The following FAM169A variants were observed in gnomAD, a reference collection of about 807,000 sequenced individuals.
The protein encoded by FAM169A is family with sequence similarity 169 member A.
A neutral mutation model predicts 75.7 loss-of-function variants in FAM169A; 24 were observed. That is an observed-to-expected ratio of 0.32 (90% CI 0.23 to 0.45). The LOEUF (loss-of-function observed/expected upper bound fraction) is 0.45, where lower values mean the gene tolerates loss of function less well. Ranked by LOEUF, FAM169A falls within the 20% of genes least tolerant of loss-of-function variation. The pLI is 1.00. For synonymous variants in FAM169A, 271 were observed against 271.0 expected, an observed-to-expected ratio of 1.00 and a Z score of 0.00; for missense variants, 673 against 784.0, an observed-to-expected ratio of 0.86 and a Z score of 1.69.
chr5:74,835,869 T>C (rs1426243667), intron 4 of FAM169A, among the ~76,000 whole-genome samples: 1 of 152,184 alleles, frequency 6.6e-6, no homozygotes, highest in African/African-American at 2.4e-5. Flanking sequence ...AGAGCTGAAA[T>C]CTATTTCTCA....
At chr5:74,839,336 G>C (rs559691327) in intron 3 of FAM169A, among the ~76,000 whole-genome samples, 1 of 151,954 alleles carries the variant, frequency 6.6e-6, no homozygotes, top group East Asian at 1.9e-4. Context: ...CATGGGTCAG[G>C]GTGGGGGGGT....
In FAM169A at chr5:74,840,186, A is replaced by AT. The variant is rs746712113; in HGVS notation, c.133-14dup. 1.6e-6 allele frequency: 2 copies of AT among 1,267,992 alleles called. No individual in the cohort carries two copies. The highest frequency in any genetic ancestry group is 2.2e-6 in the Non-Finnish European group (2 of 896,622). The allele number at this position is 1,267,992 out of a possible 1,614,324, so 78.5% of individuals were successfully genotyped here. The stretch of plus-strand genomic sequence containing the variant: ...GGCTAATAGGAATCTGAAATGACAA[A>AT]TTAATAAAGATTAGTGAACAGTCTG... On this transcript the variant is annotated splice_polypyrimidine_tract_variant and intron_variant, in intron 2 of 12. Coordinates refer to ENST00000687041, the MANE Select transcript of FAM169A (RefSeq NM_001376049.1).
intron 4 of FAM169A, 30 bp from the exon 5 acceptor site, chr5:74,834,627 C>A: frequency 1.3e-6 from 2 of 1,482,804 alleles, no homozygotes; most frequent in Non-Finnish European, 1.8e-6. Flanking sequence ...CCAGGCACAG[C>A]AGTTATAATA....
intron 6 of FAM169A, among the ~76,000 whole-genome samples, chr5:74,806,769 A>G (rs1375209456): frequency 2.0e-5 from 3 of 152,198 alleles, no homozygotes. Context: ...AAAACAAACA[A>G]TTAGTACTCA....
intron 1 of FAM169A, among the ~76,000 whole-genome samples, chr5:74,855,428 G>A (rs1442147936): frequency 6.6e-6 from 1 of 152,094 alleles, no homozygotes; most frequent in Admixed American, 6.5e-5. Flanking sequence ...GAATTCCTGA[G>A]CTCGAGCAAT....
intron 6 of FAM169A, among the ~76,000 whole-genome samples, chr5:74,806,362 T>A (rs575342331): frequency 6.6e-6 from 1 of 152,196 alleles, no homozygotes; most frequent in East Asian, 1.9e-4. Flanking sequence ...AAAAAAGCAA[T>A]AAAGTCAGAT....
intron 10 of FAM169A, among the ~76,000 whole-genome samples, chr5:74,797,845 T>G (rs1157956032): frequency 6.6e-6 from 1 of 152,134 alleles, no homozygotes; most frequent in African/African-American, 2.4e-5. Flanking sequence ...CACTCAACTC[T>G]GCCGTTCCAA....
At chr5:74,865,810 G>T (rs1320607167) in intron 1 of FAM169A, 3 of 152,502 alleles carry the variant, frequency 2.0e-5, no homozygotes, top group African/African-American at 7.2e-5. Flanking sequence ...TCCAGGTGGG[G>T]AGAGGGCGAG....
intron 5 of FAM169A, among the ~76,000 whole-genome samples, chr5:74,828,902 A>T (rs1748171047): frequency 6.6e-6 from 1 of 152,102 alleles, no homozygotes; most frequent in Non-Finnish European, 1.5e-5. Context: ...TTAGCACTAT[A>T]GCCACACCCT....
rs187079383 is a variant in FAM169A at position 74,857,368 on chromosome 5, C to T, written c.-4+8797G>A. Among the ~76,000 whole-genome samples, 5 of 151,534 alleles carry T rather than the reference C, an allele frequency of 3.3e-5. No homozygotes were observed. In the East Asian group the frequency reaches 7.8e-4, roughly 24 times the overall value. On this transcript the variant is annotated intron_variant, in intron 1 of 12. Transcript: ENST00000687041. ...AAGTTCAAGACCAGCCTGGGCAACA[C>T]GGCAAAACCCCGTCTCTACAAAAAA...
intron 1 of FAM169A, among the ~76,000 whole-genome samples, chr5:74,849,598 T>C (rs1483736644): frequency 2.0e-5 from 3 of 152,080 alleles, no homozygotes; most frequent in Admixed American, 6.6e-5. Context: ...GGCAACATAA[T>C]CAGCAATGCT....
intron 10 of FAM169A, among the ~76,000 whole-genome samples, chr5:74,796,897 A>G (rs941307763): frequency 6.6e-6 from 1 of 152,148 alleles, no homozygotes; most frequent in Non-Finnish European, 1.5e-5. Context: ...AACACATTAT[A>G]TGGTTTAGTT....
intron 1 of FAM169A, among the ~76,000 whole-genome samples, chr5:74,857,572 G>GAAAAAAAAAAAAAAAAAAAAAAAAAA (rs35476827): frequency 1.8e-5 from 1 of 56,290 alleles, no homozygotes; most frequent in Non-Finnish European, 3.8e-5. Context: ...CTTGCCGCGG[G>GAAAAAAAAAAAAAAAAAAAAAAAAAA]AAAAAAAAAA....
upstream of FAM169A, chr5:74,866,478 G>A (rs1750355567): frequency 9.2e-6 from 7 of 763,826 alleles, no homozygotes; most frequent in Non-Finnish European, 9.5e-6. Context: ...GCCCCTCCTC[G>A]GAGCCTGGGA....
At chr5:74,795,238 C>T (rs1467750563) in intron 11 of FAM169A, among the ~76,000 whole-genome samples, 1 of 151,886 alleles carries the variant, frequency 6.6e-6, no homozygotes, top group East Asian at 1.9e-4. Flanking sequence ...AGCCTGGGTG[C>T]AAAGAGCAAA....
At position 74,779,536 on chromosome 5, in the gene FAM169A, T is replaced by G. The variant is rs1745304005; in HGVS notation, c.*1924A>C. The G allele has an allele frequency of 6.6e-6, 1 of 152,106 alleles. No individual in the cohort carries two copies. Among genetic ancestry groups the G allele is most frequent in the African/African-American group, 2.4e-5 (1 of 41,424 alleles). The allele number at this position is 152,106 out of a possible 1,614,324, so 9.4% of individuals were successfully genotyped here. A position where few individuals can be genotyped will look rare whatever the true frequency, so the allele number is the denominator to read the frequency against. On this transcript the variant is annotated 3_prime_UTR_variant, in exon 13 of 13. Transcript: ENST00000687041. ...GAATTTACTGAATCTTAACAGAGTA[T>G]TTCCCTTTGTGATATTGACAGAAGT...
intron 3 of FAM169A, among the ~76,000 whole-genome samples, chr5:74,839,648 C>CA (rs984758265): frequency 3.3e-5 from 5 of 151,932 alleles, no homozygotes; most frequent in African/African-American, 9.7e-5. Flanking sequence ...CCTCAACCTC[C>CA]AAAGTAGCTG....
chr5:74,853,547 G>C (rs11740871), intron 1 of FAM169A, among the ~76,000 whole-genome samples: 12,970 of 152,044 alleles, frequency 0.085, 685 homozygotes, highest in Admixed American at 0.17. Context: ...CAAGACAACA[G>C]GCCAACATAA....
intron 1 of FAM169A, among the ~76,000 whole-genome samples, chr5:74,853,187 A>G (rs970803685): frequency 6.6e-6 from 1 of 152,188 alleles, no homozygotes; most frequent in African/African-American, 2.4e-5. Flanking sequence ...TGGAGATGGA[A>G]GCTAGGAAGA....
Sources: allele counts gnomAD v4.1 joint callset (sites outside exome capture counted in the v4.1 genomes callset), GRCh38; gene constraint gnomAD v4.1.1; transcripts MANE v1.5; gene names NCBI Gene and HGNC (gene_info 2026-07-23, HGNC 2026-07-21).